CCDC57: variants seen among roughly 807,000 people sequenced by gnomAD.
CCDC57 encodes the protein coiled-coil domain-containing protein 57.
CCDC57 carries 118 observed loss-of-function variants against 118.9 expected under a neutral mutation model. That is an observed-to-expected ratio of 0.99 (90% CI 0.86 to 1.16). The LOEUF is 1.16. Among genes scored for constraint, CCDC57 ranks in the 50% most tolerant of loss-of-function variants. The pLI, the probability that CCDC57 is intolerant of heterozygous loss-of-function variation, is 0.00. For synonymous variants in CCDC57, 527 were observed against 532.9 expected (o/e 0.99, Z 0.15); for missense variants, 1,300 against 1,320.7 (o/e 0.98, Z 0.24).
chr17:82,164,130 C>A (rs1338792871), intron 13 of CCDC57, among the ~76,000 whole-genome samples: 1 of 152,128 alleles, frequency 6.6e-6, no homozygotes, highest in Admixed American at 6.5e-5. Context: ...AATCTCAGCA[C>A]TTTGGGAGGC....
chr17:82,211,365 G>C (rs984279450), intron 1 of CCDC57, among the ~76,000 whole-genome samples: 2 of 152,168 alleles, frequency 1.3e-5, no homozygotes, highest in Non-Finnish European at 2.9e-5. Context: ...TCATCCATGA[G>C]GTAGCTGCTA....
chr17:82,126,800 C>T (rs554389624), intron 19 of CCDC57: 37 of 985,344 alleles, frequency 3.8e-5, no homozygotes, highest in East Asian at 1.1e-4. Flanking sequence ...GTATCTGTGA[C>T]GGTAAAGGAC....
chr17:82,168,552 T>G (rs934629604), intron 13 of CCDC57, among the ~76,000 whole-genome samples: 1 of 152,142 alleles, frequency 6.6e-6, no homozygotes, highest in African/African-American at 2.4e-5. Context: ...GAGCCGAGAT[T>G]GTGCCACTGC....
rs151309320 is a variant in CCDC57 at position 82,181,836 on chromosome 17, A to G, written c.1211+1938T>C. ...ATTGGAATCAAGAGTTGAGAACATA[A>G]GCCAGGCGGGGTGGCTCACGCCTGT... is the stretch of plus-strand genomic sequence containing the variant. On this transcript the variant is annotated intron_variant, in intron 9 of 19. Coordinates refer to ENST00000665763, the Ensembl canonical transcript of CCDC57. Among the ~76,000 whole-genome samples the G allele has an allele frequency of 3.3e-4, 50 of 152,322 alleles. 1 individual carries two copies. In the East Asian group the frequency reaches 7.5e-3, roughly 23 times the overall value.
At chr17:82,105,498 G>A (rs1327220009) in intron 19 of CCDC57, among the ~76,000 whole-genome samples, 1 of 152,090 alleles carries the variant, frequency 6.6e-6, no homozygotes, top group Non-Finnish European at 1.5e-5. Flanking sequence ...TCCAGAAGCT[G>A]CGTGCACCTT....
chr17:82,150,946 C>T (rs78322270), intron 16 of CCDC57, among the ~76,000 whole-genome samples: 1,747 of 32,960 alleles, frequency 0.053, 151 homozygotes, highest in East Asian at 0.16. Context: ...CAGAACCAGG[C>T]GCACACCCAG....
chr17:82,142,342 T>C (rs1371337887), intron 16 of CCDC57, among the ~76,000 whole-genome samples: 1 of 152,032 alleles, frequency 6.6e-6, no homozygotes, highest in South Asian at 2.1e-4. Context: ...AGACGGAGTC[T>C]TGCTTTGTCG....
intron 19 of CCDC57, among the ~76,000 whole-genome samples, 180 bp from the exon 19 acceptor site, chr17:82,102,046 A>G (rs896079366): frequency 2.6e-5 from 4 of 152,374 alleles, no homozygotes; most frequent in Admixed American, 2.6e-4. Context: ...GAGTGACCAG[A>G]GAGCTGTGGC....
In CCDC57 at chr17:82,128,879, C is replaced by T. The variant is rs142236938; in HGVS notation, c.2578-282G>A. Among the ~76,000 whole-genome samples the T allele has an allele frequency of 2.9e-3, 440 of 151,952 alleles. 2 individuals carry two copies. Among genetic ancestry groups the T allele is most frequent in the African/African-American group, 0.01 (421 of 41,428 alleles). ...AGAGCCCCCCGGCCCAAGATGGACA[C>T]GAGTGGCCCCCAGTGACACCACCTG... On this transcript the variant is annotated intron_variant, in intron 17 of 19. Coordinates refer to ENST00000665763, the Ensembl canonical transcript of CCDC57.
chr17:82,160,730 C>T lies in CCDC57; in HGVS notation c.2040+2470G>A, dbSNP rs180691104. Among the ~76,000 whole-genome samples the T allele has an allele frequency of 3.3e-4, 50 of 152,118 alleles. 1 individual carries two copies. In the South Asian group the frequency reaches 3.3e-3, roughly 10 times the overall value. On this transcript the variant is annotated intron_variant, in intron 14 of 19. Coordinates refer to ENST00000665763, the Ensembl canonical transcript of CCDC57. ...TCTCTACCAAAAATACAAAAATTAG[C>T]AGGCGTGGTGGCTCATGCCTGTAAT...
chr17:82,199,882 G>A (rs889989313), intron 3 of CCDC57, among the ~76,000 whole-genome samples: 4 of 152,204 alleles, frequency 2.6e-5, no homozygotes, highest in Admixed American at 2.6e-4. Context: ...AGCACTGCGT[G>A]GGTCAAATGA....
chr17:82,164,722 G>T (rs2043770762), intron 13 of CCDC57, among the ~76,000 whole-genome samples: 1 of 151,846 alleles, frequency 6.6e-6, no homozygotes, highest in South Asian at 2.1e-4. Context: ...CATCAAAAAT[G>T]TACAAAAAAG....
At chr17:82,127,380 TACAGTGCTCCATTCTAAGTCAGCCTGCGC>T (rs2037617184) in intron 19 of CCDC57, 1 of 179,978 alleles carries the variant, frequency 5.6e-6, no homozygotes, top group Non-Finnish European at 7.2e-6. Flanking sequence ...CGCCCGGGTG[TACAGTGCTCCATTCTAAGTCAGCCTGCGC>T]CCGGGTGTAC....
chr17:82,198,726 C>T (rs369300882), intron 3 of CCDC57, among the ~76,000 whole-genome samples: 2 of 151,994 alleles, frequency 1.3e-5, no homozygotes, highest in East Asian at 3.8e-4. Context: ...CCCAGTGGCT[C>T]ACGCCTGTAA....
At chr17:82,160,953 T>C (rs984148619) in intron 14 of CCDC57, among the ~76,000 whole-genome samples, 7 of 147,936 alleles carry the variant, frequency 4.7e-5, no homozygotes, top group African/African-American at 1.5e-4. Flanking sequence ...AAATCATATA[T>C]CTAATAAGGG....
chr17:82,206,513 C>G lies in CCDC57; in HGVS notation c.-9+1334G>C, dbSNP rs533381496. ...GACTTCAGGAAGCCTCCCTAAACAC[C>G]CAAGAGGACAGGGTGTGGAGAGGTT... On this transcript the variant is annotated intron_variant, in intron 2 of 19. Coordinates refer to ENST00000665763, the Ensembl canonical transcript of CCDC57. Among the ~76,000 whole-genome samples the G allele has an allele frequency of 1.7e-4, 26 of 152,178 alleles. No homozygotes were observed. The South Asian group carries it at 5.2e-3, about 30-fold the overall frequency.
intron 5 of CCDC57, among the ~76,000 whole-genome samples, chr17:82,194,942 G>A (rs536941555): frequency 2.6e-5 from 4 of 152,360 alleles, no homozygotes; most frequent in African/African-American, 7.2e-5. Context: ...GGCAGGCGTC[G>A]AGACTCAGCT....
chr17:82,170,898 C>T (rs904308057), intron 13 of CCDC57, among the ~76,000 whole-genome samples: 1 of 152,312 alleles, frequency 6.6e-6, no homozygotes, highest in Non-Finnish European at 1.5e-5. Context: ...AGTGTTGGCG[C>T]GCATGCAGCA....
intron 19 of CCDC57, 28 bp from the exon 19 acceptor site, chr17:82,101,894 T>C (rs764706191): frequency 6.5e-7 from 1 of 1,530,992 alleles, no homozygotes; most frequent in Non-Finnish European, 8.8e-7. Flanking sequence ...AAAAACAGCA[T>C]GCATCAGGAT....
Sources: allele counts gnomAD v4.1 joint callset (sites outside exome capture counted in the v4.1 genomes callset), GRCh38; gene constraint gnomAD v4.1.1; transcripts MANE v1.5; gene names NCBI Gene and HGNC (gene_info 2026-07-23, HGNC 2026-07-21).